GAS2: variants seen among roughly 807,000 people sequenced by gnomAD.
GAS2 encodes growth arrest specific 2.
Under a neutral mutation model 37.5 loss-of-function variants are expected in GAS2, and 20 were observed. That is an observed-to-expected ratio of 0.53 (90% CI 0.37 to 0.77). GAS2 has a LOEUF of 0.77. Ranked by LOEUF, GAS2 falls within the 30% of genes least tolerant of loss-of-function variation. The pLI is 0.00. For synonymous variants in GAS2, 144 were observed against 132.2 expected, an observed-to-expected ratio of 1.09 and a Z score of -0.61; for missense variants, 336 against 373.4, an observed-to-expected ratio of 0.90 and a Z score of 0.82.
intron 1 of GAS2, among the ~76,000 whole-genome samples, chr11:22,632,723 G>T (rs1858760508): frequency 6.7e-6 from 1 of 150,048 alleles, no homozygotes; most frequent in South Asian, 2.1e-4. Context: ...ATAATCCCAT[G>T]TTTCTTAGAG....
At chr11:22,675,038 G>T (rs1418130333) in intron 2 of GAS2, 24 bp downstream of exon 2, 1 of 1,608,624 alleles carries the variant, frequency 6.2e-7, no homozygotes, top group East Asian at 2.2e-5. Flanking sequence ...ATCTCATTTT[G>T]TGAGCAAAGA....
chr11:22,759,316 G>A (rs1013425005), intron 7 of GAS2, among the ~76,000 whole-genome samples: 29 of 152,108 alleles, frequency 1.9e-4, no homozygotes, highest in Non-Finnish European at 4.4e-5. Flanking sequence ...ATTAATAGAG[G>A]CATCTATGTA....
intron 4 of GAS2, among the ~76,000 whole-genome samples, chr11:22,737,240 T>C (rs1456387684): frequency 6.6e-6 from 1 of 152,190 alleles, no homozygotes; most frequent in Non-Finnish European, 1.5e-5. Context: ...AAAATGTTTA[T>C]CCTTATTTCA....
intron 1 of GAS2, among the ~76,000 whole-genome samples, chr11:22,637,714 A>T (rs528709765): frequency 7.1e-6 from 1 of 141,472 alleles, no homozygotes; most frequent in African/African-American, 2.6e-5. Flanking sequence ...ATATATAATC[A>T]TGTATTTATA....
chr11:22,781,391 T>G (rs369707536), intron 7 of GAS2, among the ~76,000 whole-genome samples: 7 of 152,352 alleles, frequency 4.6e-5, no homozygotes, highest in African/African-American at 1.4e-4. Context: ...TGTTCCCGCC[T>G]CTGCTACTGA....
chr11:22,800,650 A>G (rs1272461487), intron 7 of GAS2, among the ~76,000 whole-genome samples: 1 of 152,074 alleles, frequency 6.6e-6, no homozygotes, highest in African/African-American at 2.4e-5. Flanking sequence ...GCACAATATT[A>G]GAGACAGAAT....
intron 5 of GAS2, among the ~76,000 whole-genome samples, chr11:22,746,480 T>C (rs1853409675): frequency 6.6e-6 from 1 of 152,064 alleles, no homozygotes; most frequent in Non-Finnish European, 1.5e-5. Context: ...CAATGGTGGA[T>C]TGGATAAAGA....
intron 7 of GAS2, among the ~76,000 whole-genome samples, chr11:22,785,617 G>T (rs1253703528): frequency 6.6e-6 from 1 of 152,102 alleles, no homozygotes; most frequent in African/African-American, 2.4e-5. Flanking sequence ...TACAAGTTTT[G>T]TGGGGGACTC....
chr11:22,728,753 T>C (rs752504715), intron 4 of GAS2, among the ~76,000 whole-genome samples: 3 of 151,866 alleles, frequency 2.0e-5, no homozygotes, highest in Non-Finnish European at 2.9e-5. Context: ...GGGTCAATAT[T>C]ATGGCATTGA....
intron 3 of GAS2, among the ~76,000 whole-genome samples, chr11:22,690,279 T>G (rs1406635145): frequency 3.9e-5 from 6 of 152,220 alleles, no homozygotes; most frequent in Non-Finnish European, 5.9e-5. Flanking sequence ...AATTTAATAT[T>G]TAGATATAAA....
At chr11:22,633,814 T>C (rs1226676655) in intron 1 of GAS2, among the ~76,000 whole-genome samples, 1 of 152,194 alleles carries the variant, frequency 6.6e-6, no homozygotes, top group African/African-American at 2.4e-5. Flanking sequence ...CCTTTTCTTC[T>C]GTAGGAATGG....
intron 7 of GAS2, among the ~76,000 whole-genome samples, chr11:22,798,842 C>T (rs1236504927): frequency 6.6e-6 from 1 of 152,062 alleles, no homozygotes; most frequent in East Asian, 1.9e-4. Flanking sequence ...CCTGCTGTCT[C>T]ACTCCTCCAT....
At chr11:22,646,144 A>G (rs1329562706) in intron 1 of GAS2, among the ~76,000 whole-genome samples, 1 of 152,084 alleles carries the variant, frequency 6.6e-6, no homozygotes, top group Non-Finnish European at 1.5e-5. Context: ...CTGAGAAAAA[A>G]CAATTTGGTT....
At chr11:22,696,233 A>G (rs1000494523) in intron 3 of GAS2, among the ~76,000 whole-genome samples, 6 of 151,306 alleles carry the variant, frequency 4.0e-5, no homozygotes, top group African/African-American at 1.5e-4. Flanking sequence ...GAGAATGATG[A>G]TTTCCAATTT....
intron 5 of GAS2, among the ~76,000 whole-genome samples, chr11:22,739,812 A>G (rs1017644536): frequency 6.6e-6 from 1 of 152,030 alleles, no homozygotes; most frequent in African/African-American, 2.4e-5. Context: ...AATATTCTAA[A>G]TATTTCATCA....
intron 3 of GAS2, among the ~76,000 whole-genome samples, chr11:22,695,542 T>C (rs1850460766): frequency 6.6e-6 from 1 of 152,084 alleles, no homozygotes; most frequent in Non-Finnish European, 1.5e-5. Flanking sequence ...CTGCCTCTCT[T>C]CCCAAGATAA....
chr11:22,683,158 A>T (rs983457168), intron 2 of GAS2, among the ~76,000 whole-genome samples: 2 of 131,716 alleles, frequency 1.5e-5, no homozygotes, highest in Admixed American at 7.1e-5. Context: ...GACTGCTCCC[A>T]AAAATGGAAA....
In GAS2 at chr11:22,811,781, A is replaced by T; in HGVS notation, c.724-17A>T. The T allele has an allele frequency of 6.2e-7, 1 of 1,611,214 alleles. No individual in the cohort carries two copies. The highest frequency in any genetic ancestry group is 8.5e-7 in the Non-Finnish European group (1 of 1,177,414). On this transcript the variant is annotated splice_polypyrimidine_tract_variant and intron_variant, in intron 7 of 7. Coordinates refer to ENST00000454584, the MANE Select transcript of GAS2 (RefSeq NM_001143830.3). Reference sequence around the variant, plus strand: ...GAATTCTCGGAATTTAACACTTTTGATATTTTTTCATTTCAGATGCTGCAC... The same window carrying T: ...GAATTCTCGGAATTTAACACTTTTGTTATTTTTTCATTTCAGATGCTGCAC...
chr11:22,727,886 T>C (rs1485718968), intron 4 of GAS2, among the ~76,000 whole-genome samples: 1 of 151,990 alleles, frequency 6.6e-6, no homozygotes, highest in Non-Finnish European at 1.5e-5. Flanking sequence ...AAGAATTATT[T>C]GCACAAACAA....
Sources: allele counts gnomAD v4.1 joint callset (sites outside exome capture counted in the v4.1 genomes callset), GRCh38; gene constraint gnomAD v4.1.1; transcripts MANE v1.5; gene names NCBI Gene and HGNC (gene_info 2026-07-23, HGNC 2026-07-21).